The following SFMBT2 variants were observed in gnomAD, a reference collection of about 807,000 sequenced individuals.
SFMBT2 encodes the protein scm-like with four MBT domains protein 2.
SFMBT2 carries 38 observed loss-of-function variants against 110.1 expected under a neutral mutation model. The observed-to-expected ratio is 0.35, with a 90% CI of 0.27 to 0.45. The LOEUF is 0.45. Ranked by LOEUF, SFMBT2 falls within the 20% of genes least tolerant of loss-of-function variation. The probability of loss-of-function intolerance (pLI) is 1.00; values close to 1 mark genes in which losing one functional copy is unlikely to be tolerated. For missense variants in SFMBT2, 1,011 were observed against 1,094.9 expected (o/e 0.92, Z 1.08); for synonymous variants, 425 against 425.4 (o/e 1.00, Z 0.01).
intron 4 of SFMBT2, among the ~76,000 whole-genome samples, chr10:7,306,919 A>C (rs1340954945): frequency 6.6e-6 from 1 of 152,210 alleles, no homozygotes; most frequent in Non-Finnish European, 1.5e-5. Context: ...ATATGGGGAG[A>C]GAGGAAACAG....
chr10:7,287,261 AGTAGAGACGGG>A (rs539074895), intron 4 of SFMBT2: 1 of 153,964 alleles, frequency 6.5e-6, no homozygotes, highest in South Asian at 2.1e-4. Flanking sequence ...TTGTATTTTT[AGTAGAGACGGG>A]GTTTCACCGT....
intron 16 of SFMBT2, among the ~76,000 whole-genome samples, chr10:7,181,843 C>T (rs1185324742): frequency 6.6e-6 from 1 of 152,062 alleles, no homozygotes; most frequent in Non-Finnish European, 1.5e-5. Flanking sequence ...AAAGGAGAGG[C>T]AAAAGACAGC....
At chr10:7,374,348 G>A (rs1331744304) in intron 2 of SFMBT2, among the ~76,000 whole-genome samples, 2 of 152,126 alleles carry the variant, frequency 1.3e-5, no homozygotes, top group Non-Finnish European at 2.9e-5. Flanking sequence ...GGGATGAGAG[G>A]CTTTAGTGAC....
intron 2 of SFMBT2, among the ~76,000 whole-genome samples, chr10:7,374,781 G>A (rs994133979): frequency 1.3e-5 from 2 of 152,196 alleles, no homozygotes; most frequent in Non-Finnish European, 2.9e-5. Context: ...GACTTGAACT[G>A]TGCGTTATAA....
chr10:7,376,102 G>T (rs1845202469), intron 2 of SFMBT2, among the ~76,000 whole-genome samples: 1 of 152,126 alleles, frequency 6.6e-6, no homozygotes, highest in African/African-American at 2.4e-5. Flanking sequence ...CACGTCGCAA[G>T]CCTGTAAAAA....
At chr10:7,181,303 A>T (rs748660318) in intron 16 of SFMBT2, among the ~76,000 whole-genome samples, 4 of 152,044 alleles carry the variant, frequency 2.6e-5, no homozygotes, top group Non-Finnish European at 5.9e-5. Context: ...AAAATACTCC[A>T]AATTCTGAAA....
chr10:7,222,536 G>T (rs1174813618), intron 10 of SFMBT2, among the ~76,000 whole-genome samples: 1 of 152,178 alleles, frequency 6.6e-6, no homozygotes, highest in Non-Finnish European at 1.5e-5. Context: ...GCCTCTGTGT[G>T]TATTTAGCAG....
chr10:7,325,611 G>A (rs999922990), intron 4 of SFMBT2, among the ~76,000 whole-genome samples: 2 of 152,214 alleles, frequency 1.3e-5, no homozygotes, highest in Non-Finnish European at 2.9e-5. Flanking sequence ...AGAAAAAATA[G>A]TGGAAAGTAA....
intron 11 of SFMBT2, among the ~76,000 whole-genome samples, chr10:7,208,980 C>G (rs1377840460): frequency 6.6e-6 from 1 of 152,114 alleles, no homozygotes; most frequent in Non-Finnish European, 1.5e-5. Context: ...CAAATATATC[C>G]CATTAAGGCA....
chr10:7,344,093 A>G (rs1400316905), intron 4 of SFMBT2, among the ~76,000 whole-genome samples: 2 of 152,220 alleles, frequency 1.3e-5, no homozygotes, highest in African/African-American at 4.8e-5. Context: ...TTCCTGGTTT[A>G]ATCTCTTGTC....
chr10:7,252,729 A>T (rs1189156187), intron 7 of SFMBT2, among the ~76,000 whole-genome samples: 2 of 152,072 alleles, frequency 1.3e-5, no homozygotes, highest in Admixed American at 1.3e-4. Flanking sequence ...TACAACTTAA[A>T]TTATTTCTCC....
rs1377102342 is a variant in SFMBT2, at chr10:7,162,715, G to A, written c.*1055C>T. 6.6e-6 allele frequency: 1 copy of A among 152,114 alleles called. No individual in the cohort carries two copies. The highest frequency in any genetic ancestry group is 1.5e-5 in the Non-Finnish European group (1 of 68,036). 9.4% of individuals were successfully genotyped at this position (152,114 alleles called of 1,614,324 possible). A position where few individuals can be genotyped will look rare whatever the true frequency, so the allele number is the denominator to read the frequency against. ...CCTAAAAGACTCACTCCCTGATCCGGCTACGATTAAACAACAACACTGGAG... is the reference window on the plus strand; with the variant it reads ...CCTAAAAGACTCACTCCCTGATCCGACTACGATTAAACAACAACACTGGAG... On this transcript the variant is annotated 3_prime_UTR_variant, in exon 21 of 21. Transcript: ENST00000397167.
intron 1 of SFMBT2, among the ~76,000 whole-genome samples, chr10:7,385,815 C>G (rs2255260): frequency 3.3e-5 from 5 of 151,848 alleles, no homozygotes; most frequent in East Asian, 1.9e-4. Context: ...CTGGCTAACA[C>G]GGTGAAACCC....
chr10:7,233,999 A>G (rs557942364), intron 9 of SFMBT2, among the ~76,000 whole-genome samples: 24 of 152,378 alleles, frequency 1.6e-4, no homozygotes, highest in African/African-American at 5.8e-4. Context: ...CAGGCAGGAC[A>G]GCAAACATCA....
At chr10:7,341,220 C>T (rs936116108) in intron 4 of SFMBT2, among the ~76,000 whole-genome samples, 1 of 152,180 alleles carries the variant, frequency 6.6e-6, no homozygotes, top group Non-Finnish European at 1.5e-5. Flanking sequence ...AGAGCGGGAA[C>T]GTTCCTGTTG....
chr10:7,163,327 C>G lies in SFMBT2; in HGVS notation c.*443G>C, dbSNP rs1008327698. The G allele has an allele frequency of 1.3e-5, 2 of 158,520 alleles. No homozygotes were observed. The highest frequency in any genetic ancestry group is 4.8e-5 in the African/African-American group (2 of 41,484). The allele number at this position is 158,520 out of a possible 1,614,324, so 9.8% of individuals were successfully genotyped here. A position where few individuals can be genotyped will look rare whatever the true frequency, so the allele number is the denominator to read the frequency against. ...CAAGTGCCACTCAACCAGGGTCACA[C>G]GCCTATCCATGGGAAACTGCATATA... On this transcript the variant is annotated 3_prime_UTR_variant, in exon 21 of 21. Coordinates refer to ENST00000397167, the MANE Select transcript of SFMBT2 (RefSeq NM_001387889.1). The surrounding 1 kb of genome is among the most constrained non-coding windows in gnomAD (Gnocchi z 4.8).
At chr10:7,371,807 A>T (rs1266819717) in intron 2 of SFMBT2, among the ~76,000 whole-genome samples, 1 of 151,994 alleles carries the variant, frequency 6.6e-6, no homozygotes, top group African/African-American at 2.4e-5. Context: ...ACTGCTTTCC[A>T]TCTTGTGGCT....
At chr10:7,349,898 G>A (rs920930026) in intron 4 of SFMBT2, among the ~76,000 whole-genome samples, 1 of 152,120 alleles carries the variant, frequency 6.6e-6, no homozygotes, top group Non-Finnish European at 1.5e-5. Flanking sequence ...AGATGCCGAT[G>A]CAAAAATCTT....
chr10:7,212,275 ACAG>A (rs1839375996), intron 11 of SFMBT2, among the ~76,000 whole-genome samples: 1 of 152,240 alleles, frequency 6.6e-6, no homozygotes, highest in Admixed American at 6.5e-5. Flanking sequence ...GGTTGGCCAA[ACAG>A]CAGTTCTTAA....
Sources: allele counts gnomAD v4.1 joint callset (sites outside exome capture counted in the v4.1 genomes callset), GRCh38; gene constraint gnomAD v4.1.1; non-coding constraint Gnocchi (gnomAD v3.1); transcripts MANE v1.5; gene names NCBI Gene and HGNC (gene_info 2026-07-23, HGNC 2026-07-21).